KIRREL3: variants seen among roughly 807,000 people sequenced by gnomAD.
KIRREL3 encodes kirre like nephrin family adhesion molecule 3, also known as kin of IRRE-like protein 3.
Under a neutral mutation model 89.7 loss-of-function variants are expected in KIRREL3, and 36 were observed. The ratio of observed to expected loss-of-function variants is 0.40; its 90% CI spans 0.31 to 0.53. The LOEUF is 0.53. KIRREL3 is among the 20% of genes least tolerant of loss of function. The pLI is 0.49. For missense variants in KIRREL3, 864 were observed against 1,056.6 expected, an observed-to-expected ratio of 0.82 and a Z score of 2.53; for synonymous variants, 445 against 441.4, an observed-to-expected ratio of 1.01 and a Z score of -0.10.
intron 1 of KIRREL3, among the ~76,000 whole-genome samples, chr11:126,871,582 T>G (rs1250416267): frequency 6.6e-6 from 1 of 152,218 alleles, no homozygotes; most frequent in Non-Finnish European, 1.5e-5. Flanking sequence ...AGAGCTGAGT[T>G]ACCTTGTAGA....
rs975860932 is a variant in KIRREL3, at chr11:126,769,535, A to T, written c.56-206623T>A. On this transcript the variant is annotated intron_variant, in intron 1 of 16. Transcript: ENST00000525144. This position sits in a 1 kb window ranked among gnomAD's most constrained non-coding sequence, Gnocchi z 4.3. ...AACGATAGGTATTGATTTGCATATG[A>T]TATTCATGCATTTTGCATATTTTCA... 1.3e-5 allele frequency among the ~76,000 whole-genome samples: 2 copies of T among 152,208 alleles called. No homozygotes were observed. Among genetic ancestry groups the T allele is most frequent in the African/African-American group, 4.8e-5 (2 of 41,450 alleles).
chr11:126,990,726 G>T lies in KIRREL3; in HGVS notation c.55+9729C>A, dbSNP rs1950012880. On this transcript the variant is annotated intron_variant, in intron 1 of 16. Coordinates refer to ENST00000525144, the MANE Select transcript of KIRREL3 (RefSeq NM_032531.4). The surrounding 1 kb of genome is among the most constrained non-coding windows in gnomAD (Gnocchi z 6.3). ...AGGCTTCAGAGGGCATCTCCCTGAA[G>T]AAACAGAACTCCTTGTGAATGTGGG... 1.3e-5 allele frequency among the ~76,000 whole-genome samples: 2 copies of T among 152,230 alleles called. No individual in the cohort carries two copies. Among genetic ancestry groups the T allele is most frequent in the African/African-American group, 2.4e-5 (1 of 41,472 alleles).
In KIRREL3 at chr11:126,557,837, A is replaced by G. The variant is rs1165093585; in HGVS notation, c.133+4998T>C. On this transcript the variant is annotated intron_variant, in intron 2 of 16. Transcript: ENST00000525144. The surrounding 1 kb of genome is among the most constrained non-coding windows in gnomAD (Gnocchi z 5.6). ...GACTGGGACCACAGTGCTGTTCGGG[A>G]GCTGTGGGCCATGCAAGAGGCTGCT... is the stretch of plus-strand genomic sequence containing the variant. Among the ~76,000 whole-genome samples the G allele has an allele frequency of 1.3e-5, 2 of 152,150 alleles. No individual in the cohort carries two copies. The highest frequency in any genetic ancestry group is 2.9e-5 in the Non-Finnish European group (2 of 68,026).
chr11:126,904,723 T>C lies in KIRREL3; in HGVS notation c.55+95732A>G, dbSNP rs1481565464. ...GGGTAGGGGGTCAAAGGAGGAAGTA[T>C]GCATAATGTACATATTTAATCTTGT... On this transcript the variant is annotated intron_variant, in intron 1 of 16. Coordinates refer to ENST00000525144, the MANE Select transcript of KIRREL3 (RefSeq NM_032531.4). This position sits in a 1 kb window ranked among gnomAD's most constrained non-coding sequence, Gnocchi z 4.4. 2.0e-5 allele frequency among the ~76,000 whole-genome samples: 3 copies of C among 152,178 alleles called. 1 individual carries two copies. Among genetic ancestry groups the C allele is most frequent in the Non-Finnish European group, 4.4e-5 (3 of 68,028 alleles).
chr11:126,982,548 A>G (rs1020493174), intron 1 of KIRREL3, among the ~76,000 whole-genome samples: 5 of 152,196 alleles, frequency 3.3e-5, no homozygotes, highest in African/African-American at 4.8e-5. Context: ...TTATAATCGT[A>G]TCTCTCCTTT....
At chr11:126,863,654 C>T (rs1304968133) in intron 1 of KIRREL3, among the ~76,000 whole-genome samples, 6 of 149,980 alleles carry the variant, frequency 4.0e-5, no homozygotes, top group Admixed American at 6.7e-5. Context: ...TGTTTGAGTG[C>T]GTGTGTGAGT....
At chr11:126,446,709 T>C (rs780161647) in intron 9 of KIRREL3, 50 bp downstream of exon 9, 2 of 1,553,388 alleles carry the variant, frequency 1.3e-6, no homozygotes, top group South Asian at 2.4e-5. Flanking sequence ...CTTGCTCCAC[T>C]GTCCCCGCCC....
upstream of KIRREL3, among the ~76,000 whole-genome samples, chr11:127,002,570 C>A (rs1205553559): frequency 6.6e-6 from 1 of 152,174 alleles, no homozygotes; most frequent in Non-Finnish European, 1.5e-5. Context: ...CTGAAAATAA[C>A]TCTATGTATA....
At chr11:126,711,483 A>G (rs1157196393) in intron 1 of KIRREL3, among the ~76,000 whole-genome samples, 1 of 152,152 alleles carries the variant, frequency 6.6e-6, no homozygotes, top group Non-Finnish European at 1.5e-5. Flanking sequence ...AATCACTTGA[A>G]CCCAGGAGGC....
At position 126,587,838 on chromosome 11, in the gene KIRREL3, T is replaced by C. The variant is rs1941941078; in HGVS notation, c.56-24926A>G. Among the ~76,000 whole-genome samples the C allele has an allele frequency of 6.6e-6, 1 of 152,232 alleles. No homozygotes were observed. Among genetic ancestry groups the C allele is most frequent in the Non-Finnish European group, 1.5e-5 (1 of 68,046 alleles). On this transcript the variant is annotated intron_variant, in intron 1 of 16. Transcript: ENST00000525144. This position sits in a 1 kb window ranked among gnomAD's most constrained non-coding sequence, Gnocchi z 5.2. ...GTTGAACACAATTCTTATTGCCATC[T>C]ATCTTTTCACTTCTTTTTAGTTTTC...
intron 1 of KIRREL3, among the ~76,000 whole-genome samples, chr11:126,874,145 C>T (rs528664759): frequency 1.3e-5 from 2 of 152,208 alleles, no homozygotes; most frequent in Admixed American, 6.5e-5. Flanking sequence ...ATTGCTTTCT[C>T]ATTTTCTCCT....
chr11:126,741,639 GA>G (rs142164890), intron 1 of KIRREL3, among the ~76,000 whole-genome samples: 2,372 of 152,342 alleles, frequency 0.016, 77 homozygotes, highest in African/African-American at 0.054. Context: ...AATATAAGTT[GA>G]AAAGGGATAT....
intron 1 of KIRREL3, among the ~76,000 whole-genome samples, chr11:126,914,558 T>C (rs985966571): frequency 1.3e-5 from 2 of 152,164 alleles, no homozygotes; most frequent in Non-Finnish European, 2.9e-5. Flanking sequence ...CAGATGACAT[T>C]GGATAGAGTT....
rs564499167 is a variant in KIRREL3 at position 126,608,246 on chromosome 11, C to G, written c.56-45334G>C. Reference sequence around the variant, plus strand: ...TGAAGGGGGCGGTCTCAGAAGCCCCCGCTGGGAGCCTCCTATCCACCTGGC... The same window carrying G: ...TGAAGGGGGCGGTCTCAGAAGCCCCGGCTGGGAGCCTCCTATCCACCTGGC... On this transcript the variant is annotated intron_variant, in intron 1 of 16. Coordinates refer to ENST00000525144, the MANE Select transcript of KIRREL3 (RefSeq NM_032531.4). This position sits in a 1 kb window ranked among gnomAD's most constrained non-coding sequence, Gnocchi z 4.9. 2.5e-3 allele frequency among the ~76,000 whole-genome samples: 382 copies of G among 151,762 alleles called. 4 individuals are homozygous for G. The highest frequency in any genetic ancestry group is 8.8e-3 in the African/African-American group (362 of 41,052).
In KIRREL3 at chr11:126,750,457, G is replaced by A. The variant is rs1208636269; in HGVS notation, c.56-187545C>T. ...TCTTACCCTCTTTAGAAACAGAAGGGACTGGAGAGGTTTGGCTGAGAGACT... is the reference window on the plus strand; with the variant it reads ...TCTTACCCTCTTTAGAAACAGAAGGAACTGGAGAGGTTTGGCTGAGAGACT... On this transcript the variant is annotated intron_variant, in intron 1 of 16. Transcript: ENST00000525144. This position sits in a 1 kb window ranked among gnomAD's most constrained non-coding sequence, Gnocchi z 4.2. Among the ~76,000 whole-genome samples, 1 of 151,420 alleles carries A rather than the reference G, an allele frequency of 6.6e-6. No individual in the cohort carries two copies. Among genetic ancestry groups the A allele is most frequent in the African/African-American group, 2.4e-5 (1 of 41,048 alleles).
intron 2 of KIRREL3, among the ~76,000 whole-genome samples, chr11:126,539,571 T>A (rs986849005): frequency 3.9e-5 from 6 of 152,142 alleles, no homozygotes; most frequent in African/African-American, 1.4e-4. Context: ...TAGGAGCCAT[T>A]TGGGGGTAGA....
rs1330346371 is a variant in KIRREL3 at position 126,890,568 on chromosome 11, A to C, written c.55+109887T>G. Among the ~76,000 whole-genome samples, 2 of 152,164 alleles carry C rather than the reference A, an allele frequency of 1.3e-5. No individual in the cohort carries two copies. Among genetic ancestry groups the C allele is most frequent in the Non-Finnish European group, 2.9e-5 (2 of 68,022 alleles). ...CCAGTTTTCTGCTCCCTGGCTGTGG[A>C]CAGAAGGCACCTGGAGGGGTGCTGT... On this transcript the variant is annotated intron_variant, in intron 1 of 16. Transcript: ENST00000525144. This position sits in a 1 kb window ranked among gnomAD's most constrained non-coding sequence, Gnocchi z 5.1.
chr11:126,619,916 C>T (rs2134833898), intron 1 of KIRREL3, among the ~76,000 whole-genome samples: 1 of 152,318 alleles, frequency 6.6e-6, no homozygotes, highest in African/African-American at 2.4e-5. Context: ...TCTCCCTGTC[C>T]CATGACTTCA....
chr11:126,982,379 C>A (rs575196970), intron 1 of KIRREL3, among the ~76,000 whole-genome samples: 7 of 152,186 alleles, frequency 4.6e-5, no homozygotes, highest in Admixed American at 4.6e-4. Flanking sequence ...AGCCTCAAGT[C>A]TTCTATGGAG....
Sources: allele counts gnomAD v4.1 joint callset (sites outside exome capture counted in the v4.1 genomes callset), GRCh38; gene constraint gnomAD v4.1.1; non-coding constraint Gnocchi (gnomAD v3.1); transcripts MANE v1.5; gene names NCBI Gene and HGNC (gene_info 2026-07-23, HGNC 2026-07-21).